The following OTUD1 variants were observed in gnomAD, a reference collection of about 807,000 sequenced individuals.
OTUD1 encodes OTU deubiquitinase 1.
A neutral mutation model predicts 30.0 loss-of-function variants in OTUD1; 15 were observed. That is an observed-to-expected ratio of 0.50 (90% CI 0.33 to 0.77). The LOEUF (loss-of-function observed/expected upper bound fraction) is 0.77, where lower values mean the gene tolerates loss of function less well. Ranked by LOEUF, OTUD1 falls within the 30% of genes least tolerant of loss-of-function variation. The pLI, the probability that OTUD1 is intolerant of heterozygous loss-of-function variation, is 0.02. For missense variants in OTUD1, 796 were observed against 697.8 expected, an observed-to-expected ratio of 1.14 and a Z score of -1.59; for synonymous variants, 381 against 326.3, an observed-to-expected ratio of 1.17 and a Z score of -1.81.
In OTUD1 at chr10:23,439,154, GC is replaced by G. The variant is rs1847096897; in HGVS notation, c.-302del. ...CGGCTTCCTCCGTGAGTCCCCAGCG[GC>G]CGCCGCGGGCCGAAGCAGCTGCAGC... On this transcript the variant is annotated 5_prime_UTR_variant, in exon 1 of 1. Transcript: ENST00000376495. 6.6e-6 allele frequency among the ~76,000 whole-genome samples: 1 copy of G among 151,096 alleles called. No homozygotes were observed. Among genetic ancestry groups the G allele is most frequent in the Admixed American group, 6.6e-5 (1 of 15,176 alleles).
chr10:23,439,848 C>G lies in OTUD1; in HGVS notation c.391C>G (p.Pro131Ala), dbSNP rs1484229871. 5.4e-6 allele frequency: 6 copies of G among 1,120,774 alleles called. No individual in the cohort carries two copies. Among genetic ancestry groups the G allele is most frequent in the Non-Finnish European group, 6.5e-6 (6 of 918,886 alleles). The allele number at this position is 1,120,774 out of a possible 1,614,324, so 69.4% of individuals were successfully genotyped here. A position where few individuals can be genotyped will look rare whatever the true frequency, so the allele number is the denominator to read the frequency against. ...ADRLLLHGPD[P>A]VPGAAGSAAA... ...CAGGCTCCTGCTGCACGGGCCCGAT[C>G]CCGTTCCCGGCGCCGCGGGCTCCGC... Residue 131 changes from proline (P) to alanine (A), a missense_variant, in exon 1 of 1, where the codon CCC (proline) becomes GCC (alanine). Coordinates refer to ENST00000376495, the MANE Select transcript of OTUD1 (RefSeq NM_001145373.3).
Position 23,440,460 on chromosome 10 carries a change from C to A in OTUD1, c.1003C>A (p.Leu335Met). 6.4e-7 allele frequency: 1 copy of A among 1,551,740 alleles called. No individual in the cohort carries two copies. The highest frequency in any genetic ancestry group is 8.7e-7 in the Non-Finnish European group (1 of 1,147,000). The change falls in exon 1 of 1, where the codon CTG (leucine) becomes ATG (methionine). Residue 335 changes from leucine (L) to methionine (M), a missense_variant. Transcript: ENST00000376495. ...VSKTVYGDQS[L>M]HRELREQTVH... is the part of the protein sequence containing the mutation. ...CAAGACGGTGTATGGGGACCAGAGC[C>A]TGCACCGGGAGTTGAGGGAGCAGAC...
chr10:23,440,121 G>A lies in OTUD1; in HGVS notation c.664G>A (p.Gly222Ser), dbSNP rs1297289471. ...CCCGGGGAGCCCCGATCCCGGCCCCGGTCCGTGGGGCGAAGAGCACTTGGC... is the reference window on the plus strand; with the variant it reads ...CCCGGGGAGCCCCGATCCCGGCCCCAGTCCGTGGGGCGAAGAGCACTTGGC... ...ATPGSPDPGP[G>S]PWGEEHLAER... is the part of the protein sequence containing the mutation. The change falls in exon 1 of 1, where the codon GGT becomes AGT. Residue 222 changes from glycine (G) to serine (S), a missense_variant. Coordinates refer to ENST00000376495, the MANE Select transcript of OTUD1 (RefSeq NM_001145373.3). 1.4e-6 allele frequency: 2 copies of A among 1,423,066 alleles called. No individual in the cohort carries two copies. Among genetic ancestry groups the A allele is most frequent in the Non-Finnish European group, 1.8e-6 (2 of 1,097,202 alleles). The allele number at this position is 1,423,066 out of a possible 1,614,324, so 88.2% of individuals were successfully genotyped here.
At position 23,440,560 on chromosome 10, in the gene OTUD1, C is replaced by T. The variant is rs1847116620; in HGVS notation, c.1103C>T (p.Ala368Val). ...IEGDVGEFIIAAAQDGAWAGY... is the reference protein window; with the variant it reads ...IEGDVGEFIIVAAQDGAWAGY... ...GGCGACGTGGGGGAGTTTATCATCG[C>T]TGCTGCCCAAGACGGGGCATGGGCC... The change falls in exon 1 of 1, where the codon GCT becomes GTT. Residue 368 changes from alanine to valine, a missense_variant. Transcript: ENST00000376495. The T allele has an allele frequency of 1.3e-6, 2 of 1,551,730 alleles. No individual in the cohort carries two copies. The highest frequency in any genetic ancestry group is 1.7e-6 in the Non-Finnish European group (2 of 1,147,014).
Position 23,440,973 on chromosome 10 carries a change from T to G in OTUD1, c.*70T>G. The G allele has an allele frequency of 6.9e-7, 1 of 1,448,856 alleles. No individual in the cohort carries two copies. Among genetic ancestry groups the G allele is most frequent in the Non-Finnish European group, 9.3e-7 (1 of 1,078,528 alleles). 89.8% of individuals were successfully genotyped at this position (1,448,856 alleles called of 1,614,324 possible). On this transcript the variant is annotated 3_prime_UTR_variant, in exon 1 of 1. Transcript: ENST00000376495. ...TTGTGTTTGGAGAATCACATGAACTTTAATCAGGGTAATAGCACTTTCAAA... is the reference window on the plus strand; with the variant it reads ...TTGTGTTTGGAGAATCACATGAACTGTAATCAGGGTAATAGCACTTTCAAA...
In OTUD1 at chr10:23,442,169, T is replaced by C. The variant is rs760124006; in HGVS notation, c.*1266T>C. On this transcript the variant is annotated 3_prime_UTR_variant, in exon 1 of 1. Coordinates refer to ENST00000376495, the MANE Select transcript of OTUD1 (RefSeq NM_001145373.3). ...AATGAATGAATAAAATGCAAAATTATACTTTTACAATGCCTTTTTGGATAG... is the reference window on the plus strand; with the variant it reads ...AATGAATGAATAAAATGCAAAATTACACTTTTACAATGCCTTTTTGGATAG... 4 of 167,128 alleles carry C rather than the reference T, an allele frequency of 2.4e-5. No individual in the cohort carries two copies. Among genetic ancestry groups the C allele is most frequent in the Non-Finnish European group, 4.4e-5 (3 of 68,134 alleles). 10.4% of individuals were successfully genotyped at this position (167,128 alleles called of 1,614,324 possible).
rs112344790 is a variant in OTUD1, at chr10:23,439,494, G to A, written c.37G>A (p.Ala13Thr). 2 of 1,368,436 alleles carry A rather than the reference G, an allele frequency of 1.5e-6. No individual in the cohort carries two copies. Among genetic ancestry groups the A allele is most frequent in the Non-Finnish European group, 9.4e-7 (1 of 1,061,016 alleles). 84.8% of individuals were successfully genotyped at this position (1,368,436 alleles called of 1,614,324 possible). A position where few individuals can be genotyped will look rare whatever the true frequency, so the allele number is the denominator to read the frequency against. ...CAGCAGCGTCTGCACCCACTACCCC[G>A]CCGGGGCCCCGGGTCCCACGGCCGC... ...LYSSVCTHYP[A>T]GAPGPTAAAP... The change falls in exon 1 of 1, where the codon GCC becomes ACC. Residue 13 changes from alanine to threonine, a missense_variant. Physicochemically the swap from Ala to Thr is moderately conservative, Grantham distance 58. Coordinates refer to ENST00000376495, the MANE Select transcript of OTUD1 (RefSeq NM_001145373.3).
chr10:23,439,502 C>T lies in OTUD1; in HGVS notation c.45C>T (p.Ala15=). Reference sequence around the variant, plus strand: ...TCTGCACCCACTACCCCGCCGGGGCCCCGGGTCCCACGGCCGCCGCCCCCG... The same window carrying T: ...TCTGCACCCACTACCCCGCCGGGGCTCCGGGTCCCACGGCCGCCGCCCCCG... ...SSVCTHYPAG[A]PGPTAAAPAP... Residue 15 remains alanine (A), a synonymous_variant, in exon 1 of 1, where the codon GCC becomes GCT. Coordinates refer to ENST00000376495, the MANE Select transcript of OTUD1 (RefSeq NM_001145373.3). 3 of 1,372,434 alleles carry T rather than the reference C, an allele frequency of 2.2e-6. No individual in the cohort carries two copies. In the South Asian group the frequency reaches 4.8e-5, roughly 22 times the overall value. 85.0% of individuals were successfully genotyped at this position (1,372,434 alleles called of 1,614,324 possible).
Position 23,440,248 on chromosome 10 carries a change from C to T in OTUD1, c.791C>T (p.Ala264Val). Residue 264 changes from alanine to valine, a missense_variant, in exon 1 of 1, where the codon GCC (alanine) becomes GTC (valine). Transcript: ENST00000376495. ...GACCCAGAGGCCGAGGCACCCCCCG[C>T]CGGGAGCATCGAGGCCGCCCCGAGT... is the stretch of plus-strand genomic sequence containing the variant. The part of the protein sequence containing the change: ...RPDPEAEAPP[A>V]GSIEAAPSSA... 1.9e-6 allele frequency: 3 copies of T among 1,543,134 alleles called. No individual in the cohort carries two copies. Among genetic ancestry groups the T allele is most frequent in the East Asian group, 4.9e-5 (2 of 40,622 alleles).
Position 23,439,263 on chromosome 10 carries a change from C to A in OTUD1, c.-195C>A, listed in dbSNP as rs1847098546. 6.6e-6 allele frequency among the ~76,000 whole-genome samples: 1 copy of A among 151,514 alleles called. No individual in the cohort carries two copies. The highest frequency in any genetic ancestry group is 1.5e-5 in the Non-Finnish European group (1 of 67,796). ...CCGTCCCCGCCCCCCTGCGCTGTGGCGCAGCAGGAATTTGGCCGGGACCCG... is the reference window on the plus strand; with the variant it reads ...CCGTCCCCGCCCCCCTGCGCTGTGGAGCAGCAGGAATTTGGCCGGGACCCG... On this transcript the variant is annotated 5_prime_UTR_variant, in exon 1 of 1. Coordinates refer to ENST00000376495, the MANE Select transcript of OTUD1 (RefSeq NM_001145373.3).
Position 23,442,091 on chromosome 10 carries a change from G to C in OTUD1, c.*1188G>C. ...CTTTTTTTATTTTGTAACATTTTGTGATTTTTTTGTACAAAACTGTATTTG... is the reference window on the plus strand; with the variant it reads ...CTTTTTTTATTTTGTAACATTTTGTCATTTTTTTGTACAAAACTGTATTTG... On this transcript the variant is annotated 3_prime_UTR_variant, in exon 1 of 1. Coordinates refer to ENST00000376495, the MANE Select transcript of OTUD1 (RefSeq NM_001145373.3). 1 of 166,978 alleles carries C rather than the reference G, an allele frequency of 6.0e-6. No individual in the cohort carries two copies. The highest frequency in any genetic ancestry group is 1.9e-4 in the East Asian group (1 of 5,190). 10.3% of individuals were successfully genotyped at this position (166,978 alleles called of 1,614,324 possible). A position where few individuals can be genotyped will look rare whatever the true frequency, so the allele number is the denominator to read the frequency against.
In OTUD1 at chr10:23,440,417, C is replaced by T; in HGVS notation, c.960C>T (p.Cys320=). 6.4e-7 allele frequency: 1 copy of T among 1,551,698 alleles called. No individual in the cohort carries two copies. Among genetic ancestry groups the T allele is most frequent in the Non-Finnish European group, 8.7e-7 (1 of 1,147,004 alleles). ...TCCACATCATTCCAGACGGCAACTG[C>T]CTCTACCGAGCTGTCAGCAAGACGG... ...YRFHIIPDGN[C]LYRAVSKTVY... The change falls in exon 1 of 1, where the codon TGC becomes TGT. Residue 320 remains cysteine (C), a synonymous_variant. Transcript: ENST00000376495.
rs1275895090 is a variant in OTUD1 at position 23,439,998 on chromosome 10, G to A, written c.541G>A (p.Gly181Ser). The A allele has an allele frequency of 7.1e-7, 1 of 1,401,108 alleles. No individual in the cohort carries two copies. The highest frequency in any genetic ancestry group is 3.1e-5 in the East Asian group (1 of 32,362). 86.8% of individuals were successfully genotyped at this position (1,401,108 alleles called of 1,614,324 possible). A position where few individuals can be genotyped will look rare whatever the true frequency, so the allele number is the denominator to read the frequency against. Residue 181 changes from glycine to serine, a missense_variant, in exon 1 of 1, where the codon GGC (glycine) becomes AGC (serine). Transcript: ENST00000376495. Reference sequence around the variant, plus strand: ...GCGGCCCGACTGCCCCGAGCCCGCGGGCTTGGACGCGACACGGGAGGGGCC... The same window carrying A: ...GCGGCCCGACTGCCCCGAGCCCGCGAGCTTGGACGCGACACGGGAGGGGCC... ...LLRPDCPEPA[G>S]LDATREGPDR...
Position 23,440,750 on chromosome 10 carries a change from C to G in OTUD1, c.1293C>G (p.His431Gln). The G allele has an allele frequency of 6.4e-7, 1 of 1,552,132 alleles. No individual in the cohort carries two copies. Among genetic ancestry groups the G allele is most frequent in the Non-Finnish European group, 8.7e-7 (1 of 1,147,094 alleles). ...SIWLSWLSNG[H>Q]YDAVFDHSYP... is the part of the protein sequence containing the mutation. ...GGCTCAGTTGGCTCAGTAACGGACA[C>G]TATGATGCTGTATTTGATCACTCCT... The change falls in exon 1 of 1, where the codon CAC becomes CAG. Residue 431 changes from histidine (H) to glutamine (Q), a missense_variant. Transcript: ENST00000376495.
At position 23,439,717 on chromosome 10, in the gene OTUD1, C is replaced by A; in HGVS notation, c.260C>A (p.Ala87Glu). The change falls in exon 1 of 1, where the codon GCG (alanine) becomes GAG (glutamate). Residue 87 changes from alanine to glutamate, a missense_variant. By Grantham distance (107) the Ala-to-Glu change is moderately radical. Transcript: ENST00000376495. ...SCFEVVSGAAAPASAAAGPPG... is the reference protein window; with the variant it reads ...SCFEVVSGAAEPASAAAGPPG... ...TTCGAGGTGGTGTCCGGGGCCGCCG[C>A]GCCCGCCTCCGCCGCCGCCGGCCCG... 1 of 1,181,100 alleles carries A rather than the reference C, an allele frequency of 8.5e-7. No individual in the cohort carries two copies. Among genetic ancestry groups the A allele is most frequent in the Non-Finnish European group, 1.0e-6 (1 of 959,338 alleles). The allele number at this position is 1,181,100 out of a possible 1,614,324, so 73.2% of individuals were successfully genotyped here. A position where few individuals can be genotyped will look rare whatever the true frequency, so the allele number is the denominator to read the frequency against.
At position 23,439,190 on chromosome 10, in the gene OTUD1, G is replaced by C. The variant is rs879266585; in HGVS notation, c.-268G>C. 2.6e-3 allele frequency among the ~76,000 whole-genome samples: 391 copies of C among 151,316 alleles called. 3 individuals are homozygous for C. Among genetic ancestry groups the C allele is most frequent in the Non-Finnish European group, 4.9e-3 (329 of 67,730 alleles). ...CCGAAGCAGCTGCAGCGGGCGCGGC[G>C]CCCCGGGTCTGCGGGCCGAGCGCAC... is the stretch of plus-strand genomic sequence containing the variant. On this transcript the variant is annotated 5_prime_UTR_variant, in exon 1 of 1. Coordinates refer to ENST00000376495, the MANE Select transcript of OTUD1 (RefSeq NM_001145373.3).
Position 23,439,372 on chromosome 10 carries a change from G to T in OTUD1, c.-86G>T. On this transcript the variant is annotated 5_prime_UTR_variant, in exon 1 of 1. Coordinates refer to ENST00000376495, the MANE Select transcript of OTUD1 (RefSeq NM_001145373.3). Reference sequence around the variant, plus strand: ...TGGGGCCGTTGGGTCACCGCGCTCCGCCGGCCCCCTCCCCCGGGCCCGGAG... The same window carrying T: ...TGGGGCCGTTGGGTCACCGCGCTCCTCCGGCCCCCTCCCCCGGGCCCGGAG... 2.6e-6 allele frequency: 3 copies of T among 1,135,604 alleles called. No homozygotes were observed. Among genetic ancestry groups the T allele is most frequent in the Non-Finnish European group, 3.3e-6 (3 of 906,036 alleles). The allele number at this position is 1,135,604 out of a possible 1,614,324, so 70.3% of individuals were successfully genotyped here. A position where few individuals can be genotyped will look rare whatever the true frequency, so the allele number is the denominator to read the frequency against.
chr10:23,440,403 C>G lies in OTUD1; in HGVS notation c.946C>G (p.Pro316Ala), dbSNP rs907993271. 6.4e-7 allele frequency: 1 copy of G among 1,551,662 alleles called. No individual in the cohort carries two copies. Among genetic ancestry groups the G allele is most frequent in the African/African-American group, 1.4e-5 (1 of 73,184 alleles). Residue 316 changes from proline to alanine, a missense_variant, in exon 1 of 1, where the codon CCA (proline) becomes GCA (alanine). Coordinates refer to ENST00000376495, the MANE Select transcript of OTUD1 (RefSeq NM_001145373.3). ...GAATAAGTACCGATTCCACATCATT[C>G]CAGACGGCAACTGCCTCTACCGAGC... Reference protein sequence around the residue: ...QRNKYRFHIIPDGNCLYRAVS... With the variant: ...QRNKYRFHIIADGNCLYRAVS...
chr10:23,440,453 C>T lies in OTUD1; in HGVS notation c.996C>T (p.Asp332=). 6.4e-7 allele frequency: 1 copy of T among 1,551,724 alleles called. No individual in the cohort carries two copies. The highest frequency in any genetic ancestry group is 8.7e-7 in the Non-Finnish European group (1 of 1,146,998). Residue 332 remains aspartate, a synonymous_variant, in exon 1 of 1, where the codon GAC becomes GAT. Coordinates refer to ENST00000376495, the MANE Select transcript of OTUD1 (RefSeq NM_001145373.3). ...YRAVSKTVYG[D]QSLHRELREQ... ...CTGTCAGCAAGACGGTGTATGGGGACCAGAGCCTGCACCGGGAGTTGAGGG... is the reference window on the plus strand; with the variant it reads ...CTGTCAGCAAGACGGTGTATGGGGATCAGAGCCTGCACCGGGAGTTGAGGG...
Sources: gnomAD v4.1 joint callset for allele counts (sites outside exome capture counted in the v4.1 genomes callset) on GRCh38, gnomAD v4.1.1 for gene constraint, MANE v1.5 for transcripts, NCBI Gene and HGNC (gene_info 2026-07-23, HGNC 2026-07-21) for gene names.